The following PDE4B variants were observed in gnomAD, a reference collection of about 807,000 sequenced individuals.
PDE4B encodes 3',5'-cyclic-AMP phosphodiesterase 4B.
In PDE4B, 20 loss-of-function variants were observed where a neutral mutation model predicts 82.2. The observed-to-expected ratio is 0.24, with a 90% CI of 0.17 to 0.35. The LOEUF (loss-of-function observed/expected upper bound fraction) is 0.35, where lower values mean the gene tolerates loss of function less well. Ranked by LOEUF, PDE4B falls within the 10% of genes least tolerant of loss-of-function variation. The pLI is 1.00. For missense variants in PDE4B, 655 were observed against 907.2 expected (o/e 0.72, Z 3.57); for synonymous variants, 320 against 318.9 (o/e 1.00, Z -0.04).
At chr1:66,238,509 G>T (rs1164552423) in intron 3 of PDE4B, among the ~76,000 whole-genome samples, 1 of 152,182 alleles carries the variant, frequency 6.6e-6, no homozygotes, top group African/African-American at 2.4e-5. Flanking sequence ...TGGAAGTGGA[G>T]AGATCCATGG....
At chr1:65,861,822 A>C (rs1646457777) in intron 1 of PDE4B, among the ~76,000 whole-genome samples, 1 of 152,046 alleles carries the variant, frequency 6.6e-6, no homozygotes, top group Non-Finnish European at 1.5e-5. Context: ...TGTGAATGGG[A>C]GTTCACTCAT....
intron 3 of PDE4B, among the ~76,000 whole-genome samples, chr1:65,938,970 G>A (rs552739611): frequency 2.4e-4 from 37 of 152,142 alleles, no homozygotes; most frequent in Admixed American, 4.6e-4. Context: ...GAGACAGAAA[G>A]ATACTTGAGA....
At chr1:66,175,943 T>A (rs912592641) in intron 3 of PDE4B, among the ~76,000 whole-genome samples, 5 of 152,170 alleles carry the variant, frequency 3.3e-5, no homozygotes, top group Admixed American at 3.3e-4. Flanking sequence ...TTCCATGAAA[T>A]GTCATGCAAA....
intron 3 of PDE4B, among the ~76,000 whole-genome samples, chr1:66,069,256 G>A (rs909243029): frequency 6.6e-6 from 1 of 151,918 alleles, no homozygotes; most frequent in African/African-American, 2.4e-5. Flanking sequence ...GACATCCAAG[G>A]AAAGCATGTC....
chr1:66,009,723 T>C (rs1422968915), intron 3 of PDE4B, among the ~76,000 whole-genome samples: 2 of 152,116 alleles, frequency 1.3e-5, no homozygotes, highest in Non-Finnish European at 2.9e-5. Flanking sequence ...TCAGGTGGTG[T>C]CTTGAATTCA....
chr1:65,954,489 C>A (rs1649157985), intron 3 of PDE4B, among the ~76,000 whole-genome samples: 1 of 152,026 alleles, frequency 6.6e-6, no homozygotes, highest in African/African-American at 2.4e-5. Flanking sequence ...AGGGGATTGT[C>A]TATGATGCAT....
At chr1:66,035,008 T>G (rs1013052707) in intron 3 of PDE4B, among the ~76,000 whole-genome samples, 2 of 152,186 alleles carry the variant, frequency 1.3e-5, no homozygotes, top group African/African-American at 2.4e-5. Flanking sequence ...TTCTCTCTGC[T>G]AGAGAGCAGC....
At chr1:65,902,394 A>T (rs976968626) in intron 1 of PDE4B, among the ~76,000 whole-genome samples, 1 of 152,150 alleles carries the variant, frequency 6.6e-6, no homozygotes, top group Non-Finnish European at 1.5e-5. Flanking sequence ...GTAGCTAAGT[A>T]TCAGTGATAA....
chr1:66,294,592 AG>A, intron 7 of PDE4B, among the ~76,000 whole-genome samples: 1 of 152,326 alleles, frequency 6.6e-6, no homozygotes, highest in Middle Eastern at 3.4e-3. Context: ...CTTTGCAAAC[AG>A]GTCAGTAAAA....
intron 1 of PDE4B, among the ~76,000 whole-genome samples, chr1:65,848,906 C>T (rs1646298172): frequency 6.6e-6 from 1 of 152,012 alleles, no homozygotes; most frequent in South Asian, 2.1e-4. Context: ...GTATATCAGT[C>T]AGGGTCCAAT....
intron 3 of PDE4B, among the ~76,000 whole-genome samples, chr1:66,235,847 A>G (rs555162312): frequency 2.0e-5 from 3 of 152,346 alleles, no homozygotes; most frequent in African/African-American, 7.2e-5. Context: ...GGCAGCCCTC[A>G]GATCAGAACA....
At chr1:65,911,116 A>G (rs1478764002) in intron 1 of PDE4B, among the ~76,000 whole-genome samples, 4 of 152,226 alleles carry the variant, frequency 2.6e-5, no homozygotes, top group Non-Finnish European at 5.9e-5. Flanking sequence ...TCAAAGGATC[A>G]TAAAACAAAT....
At chr1:65,965,252 C>G (rs1044680423) in intron 3 of PDE4B, among the ~76,000 whole-genome samples, 1 of 151,920 alleles carries the variant, frequency 6.6e-6, no homozygotes, top group African/African-American at 2.4e-5. Context: ...TTCCTCCCCC[C>G]CCCATGGAAA....
chr1:66,354,052 A>G (rs1342051315), intron 8 of PDE4B, among the ~76,000 whole-genome samples: 1 of 152,242 alleles, frequency 6.6e-6, no homozygotes, highest in Non-Finnish European at 1.5e-5. Context: ...TCATTTTACT[A>G]TGAAAAGAGG....
At chr1:65,974,967 A>C (rs986005361) in intron 3 of PDE4B, among the ~76,000 whole-genome samples, 4 of 152,224 alleles carry the variant, frequency 2.6e-5, no homozygotes, top group African/African-American at 9.6e-5. Context: ...GGGCACTCTT[A>C]TAAAGACAGC....
chr1:66,201,964 G>A (rs1367579269), intron 3 of PDE4B, among the ~76,000 whole-genome samples: 2 of 152,076 alleles, frequency 1.3e-5, no homozygotes, highest in African/African-American at 4.8e-5. Context: ...GATCTTTCCT[G>A]CTTTCTCTTG....
intron 3 of PDE4B, among the ~76,000 whole-genome samples, chr1:66,228,643 AC>A (rs1195704415): frequency 1.2e-3 from 180 of 145,944 alleles, no homozygotes; most frequent in Non-Finnish European, 2.0e-3. Flanking sequence ...AAAAAAAAAA[AC>A]ATGCTATAGT....
At chr1:65,957,903 C>T (rs547733296) in intron 3 of PDE4B, among the ~76,000 whole-genome samples, 22 of 152,126 alleles carry the variant, frequency 1.4e-4, no homozygotes, top group African/African-American at 4.8e-4. Flanking sequence ...TGCATAATAA[C>T]TTGTCTTGAG....
chr1:66,336,651 CTT>C (rs5774809), intron 8 of PDE4B, among the ~76,000 whole-genome samples: 1 of 151,592 alleles, frequency 6.6e-6, no homozygotes, highest in African/African-American at 2.4e-5. Flanking sequence ...TGTATTAGTA[CTT>C]TTTTTTTAGA....
Sources: gnomAD v4.1 joint callset for allele counts (sites outside exome capture counted in the v4.1 genomes callset) on GRCh38, gnomAD v4.1.1 for gene constraint, MANE v1.5 for transcripts, NCBI Gene and HGNC (gene_info 2026-07-23, HGNC 2026-07-21) for gene names.